FBXL7: variants seen among roughly 807,000 people sequenced by gnomAD.
FBXL7 encodes F-box and leucine rich repeat protein 7, also known as F-box/LRR-repeat protein 7.
A neutral mutation model predicts 38.3 loss-of-function variants in FBXL7; 12 were observed. The observed-to-expected ratio is 0.31, with a 90% CI of 0.20 to 0.51. The LOEUF (loss-of-function observed/expected upper bound fraction) is 0.51, where lower values mean the gene tolerates loss of function less well. Among genes scored for constraint, FBXL7 ranks in the 20% least tolerant of loss-of-function variants. The probability of loss-of-function intolerance (pLI) is 0.98; values close to 1 mark genes in which losing one functional copy is unlikely to be tolerated. For synonymous variants in FBXL7, 297 were observed against 300.9 expected, an observed-to-expected ratio of 0.99 and a Z score of 0.13; for missense variants, 567 against 676.4, an observed-to-expected ratio of 0.84 and a Z score of 1.79.
chr5:15,571,927 C>T (rs990586405), intron 1 of FBXL7, among the ~76,000 whole-genome samples: 1 of 152,150 alleles, frequency 6.6e-6, no homozygotes, highest in African/African-American at 2.4e-5. Context: ...TGCCCCATCT[C>T]TTACCCGGTT....
At chr5:15,581,073 C>T (rs1295307719) in intron 1 of FBXL7, among the ~76,000 whole-genome samples, 2 of 152,108 alleles carry the variant, frequency 1.3e-5, no homozygotes, top group East Asian at 3.9e-4. Flanking sequence ...TGAGGTCACA[C>T]TTAAATGGGC....
At chr5:15,848,865 A>C (rs1002953441) in intron 2 of FBXL7, among the ~76,000 whole-genome samples, 1 of 152,166 alleles carries the variant, frequency 6.6e-6, no homozygotes, top group Non-Finnish European at 1.5e-5. Context: ...TTCAAACAAT[A>C]TTTTTCAGGA....
intron 2 of FBXL7, among the ~76,000 whole-genome samples, chr5:15,772,192 A>G: frequency 6.6e-6 from 1 of 152,166 alleles, no homozygotes; most frequent in Non-Finnish European, 1.5e-5. Context: ...CTAAACACCT[A>G]TCTTACCAGC....
intron 1 of FBXL7, among the ~76,000 whole-genome samples, chr5:15,501,265 C>T (rs1418263431): frequency 6.6e-6 from 1 of 152,102 alleles, no homozygotes; most frequent in Non-Finnish European, 1.5e-5. Flanking sequence ...TCTCTCGGGG[C>T]TGGAGACGGG....
intron 2 of FBXL7, among the ~76,000 whole-genome samples, chr5:15,903,316 T>C (rs1741277124): frequency 6.6e-6 from 1 of 152,190 alleles, no homozygotes; most frequent in South Asian, 2.1e-4. Flanking sequence ...GTAAGCACCA[T>C]GAAATCTGAC....
At chr5:15,917,054 G>A (rs1741602200) in intron 2 of FBXL7, among the ~76,000 whole-genome samples, 1 of 152,146 alleles carries the variant, frequency 6.6e-6, no homozygotes, top group African/African-American at 2.4e-5. Context: ...GGAATCTGTG[G>A]CTCATGGAGT....
At chr5:15,775,565 G>A (rs551227511) in intron 2 of FBXL7, among the ~76,000 whole-genome samples, 2 of 152,240 alleles carry the variant, frequency 1.3e-5, no homozygotes, top group East Asian at 3.9e-4. Flanking sequence ...CTAAGGGATG[G>A]AATGGAATGG....
chr5:15,886,635 T>C (rs563392695), intron 2 of FBXL7, among the ~76,000 whole-genome samples: 2 of 152,276 alleles, frequency 1.3e-5, no homozygotes, highest in South Asian at 4.1e-4. Flanking sequence ...GGTTTATGGA[T>C]GGTTATCCTG....
chr5:15,733,217 C>T (rs918167608), intron 2 of FBXL7, among the ~76,000 whole-genome samples: 9 of 152,048 alleles, frequency 5.9e-5, no homozygotes, highest in East Asian at 1.9e-4. Context: ...CTCACCCTCC[C>T]GAGTAGCTGG....
intron 1 of FBXL7, among the ~76,000 whole-genome samples, chr5:15,613,535 A>C (rs1455987874): frequency 1.3e-5 from 2 of 152,156 alleles, no homozygotes; most frequent in Non-Finnish European, 2.9e-5. Context: ...ATTTGTTCAG[A>C]GCCTAAGTCC....
In FBXL7 at chr5:15,726,691, AAAATAAAT is replaced by A. The variant is rs55752648; in HGVS notation, c.127+110651_127+110658del. Among the ~76,000 whole-genome samples, 299 of 141,424 alleles carry A rather than the reference AAAATAAAT, an allele frequency of 2.1e-3. 2 individuals are homozygous for A. The highest frequency in any genetic ancestry group is 6.6e-3 in the African/African-American group (251 of 38,066). The allele number at this position is 141,424 out of a possible 152,430, so 92.8% of individuals were successfully genotyped here. A position where few individuals can be genotyped will look rare whatever the true frequency, so the allele number is the denominator to read the frequency against. On this transcript the variant is annotated intron_variant, in intron 2 of 3. Transcript: ENST00000504595. ...GGGTGACAGAGCAAGACTCCATCTC[AAAATAAAT>A]AAATAAATAAATAAATAAATAAATA...
rs115029323 is a variant in FBXL7 at position 15,706,497 on chromosome 5, A to G, written c.127+90425A>G. On this transcript the variant is annotated intron_variant, in intron 2 of 3. Transcript: ENST00000504595. ...TGAATTACACAGTCTCAGATATTCC[A>G]TTTTAACAATGCAAGCTAATAGAGG... Among the ~76,000 whole-genome samples the G allele has an allele frequency of 5.9e-3, 897 of 152,330 alleles. 5 individuals are homozygous for G. The highest frequency in any genetic ancestry group is 0.021 in the African/African-American group (853 of 41,584).
At chr5:15,649,380 A>T (rs1326863787) in intron 2 of FBXL7, among the ~76,000 whole-genome samples, 3 of 152,190 alleles carry the variant, frequency 2.0e-5, no homozygotes, top group Admixed American at 2.0e-4. Context: ...CTGAAATAGT[A>T]TATTACTGGT....
Position 15,845,904 on chromosome 5 carries a change from G to A in FBXL7, c.128-81986G>A, listed in dbSNP as rs7710035. On this transcript the variant is annotated intron_variant, in intron 2 of 3. Transcript: ENST00000504595. ...GAGAATGGCGTGAACCCCAGGAGGC[G>A]GAGCTTGCAATGAGCCGAGATTGCA... Among the ~76,000 whole-genome samples, 557 of 152,290 alleles carry A rather than the reference G, an allele frequency of 3.7e-3. 5 individuals are homozygous for A. Among genetic ancestry groups the A allele is most frequent in the African/African-American group, 0.013 (531 of 41,564 alleles).
At chr5:15,861,498 T>C (rs1488721176) in intron 2 of FBXL7, among the ~76,000 whole-genome samples, 1 of 152,170 alleles carries the variant, frequency 6.6e-6, no homozygotes, top group Non-Finnish European at 1.5e-5. Flanking sequence ...AGGACATCTA[T>C]ACTGACTCAG....
chr5:15,835,543 C>A (rs1182605744), intron 2 of FBXL7, among the ~76,000 whole-genome samples: 3 of 152,102 alleles, frequency 2.0e-5, no homozygotes, highest in Non-Finnish European at 4.4e-5. Context: ...TTTTACTTGA[C>A]ACATGCTTCT....
chr5:15,551,683 T>C (rs1391516988), intron 1 of FBXL7, among the ~76,000 whole-genome samples: 1 of 152,232 alleles, frequency 6.6e-6, no homozygotes, highest in African/African-American at 2.4e-5. Flanking sequence ...TATTAAGGAA[T>C]TTTTTCCAAA....
intron 2 of FBXL7, among the ~76,000 whole-genome samples, chr5:15,629,579 C>T (rs1740932214): frequency 6.6e-6 from 1 of 152,132 alleles, no homozygotes; most frequent in African/African-American, 2.4e-5. Flanking sequence ...CAATCCACAG[C>T]AATGCCAGTA....
chr5:15,638,467 G>C (rs6872729), intron 2 of FBXL7, among the ~76,000 whole-genome samples: 69,801 of 152,004 alleles, frequency 0.46, 16,636 homozygotes, highest in African/African-American at 0.59. Context: ...CCTGTCTAAT[G>C]AGAATCGGTA....
Sources: gnomAD v4.1 joint callset for allele counts (sites outside exome capture counted in the v4.1 genomes callset) on GRCh38, gnomAD v4.1.1 for gene constraint, MANE v1.5 for transcripts, NCBI Gene and HGNC (gene_info 2026-07-23, HGNC 2026-07-21) for gene names.